Variants in FARS2 observed in about 807,000 individuals in gnomAD.
FARS2 encodes phenylalanyl-tRNA synthetase 2, mitochondrial.
In FARS2, 40 loss-of-function variants were observed where a neutral mutation model predicts 46.4. The ratio of observed to expected loss-of-function variants is 0.86; its 90% CI spans 0.67 to 1.12. The LOEUF (loss-of-function observed/expected upper bound fraction) is 1.12, where lower values mean the gene tolerates loss of function less well. FARS2 is among the 50% of genes most tolerant of loss of function. The pLI, the probability that FARS2 is intolerant of heterozygous loss-of-function variation, is 0.00. For missense variants in FARS2, 513 were observed against 567.9 expected (o/e 0.90, Z 0.98); for synonymous variants, 234 against 214.9 (o/e 1.09, Z -0.78).
chr6:5,593,790 GC>G (rs1311475302), intron 5 of FARS2, among the ~76,000 whole-genome samples: 1 of 152,240 alleles, frequency 6.6e-6, no homozygotes, highest in Non-Finnish European at 1.5e-5. Flanking sequence ...CAGTGGAGAA[GC>G]CATGGGGACA....
At chr6:5,718,650 C>T (rs113742802) in intron 6 of FARS2, among the ~76,000 whole-genome samples, 1 of 152,082 alleles carries the variant, frequency 6.6e-6, no homozygotes, top group Non-Finnish European at 1.5e-5. Flanking sequence ...CCTAATTGAG[C>T]CAGAAAATAT....
Position 5,545,347 on chromosome 6 carries a change from T to A in FARS2, c.1065+7T>A. 2 of 1,612,566 alleles carry A rather than the reference T, an allele frequency of 1.2e-6. No homozygotes were observed. Among genetic ancestry groups the A allele is most frequent in the Non-Finnish European group, 1.7e-6 (2 of 1,178,826 alleles). ...TCAGAAGGTGAAGTTTCAGGTAAGA[T>A]GACTTGCAAGAACTGAATAGATAAT... On this transcript the variant is annotated splice_region_variant and intron_variant, in intron 5 of 6. Coordinates refer to ENST00000274680, the MANE Select transcript of FARS2 (RefSeq NM_006567.5).
At chr6:5,607,376 A>G (rs1281753966) in intron 5 of FARS2, among the ~76,000 whole-genome samples, 1 of 151,656 alleles carries the variant, frequency 6.6e-6, no homozygotes, top group Non-Finnish European at 1.5e-5. Context: ...CACCAGGGGG[A>G]AAATATTAGA....
At chr6:5,668,932 G>A (rs901622980) in intron 6 of FARS2, among the ~76,000 whole-genome samples, 3 of 151,950 alleles carry the variant, frequency 2.0e-5, no homozygotes, top group African/African-American at 4.8e-5. Flanking sequence ...CTGACCTCAG[G>A]CGATGGACCC....
At chr6:5,344,170 C>T (rs1478064855) in intron 1 of FARS2, among the ~76,000 whole-genome samples, 1 of 152,132 alleles carries the variant, frequency 6.6e-6, no homozygotes, top group African/African-American at 2.4e-5. Context: ...AGCTGTGATT[C>T]AGGAAAGCCA....
chr6:5,740,070 A>C (rs780566739), intron 6 of FARS2, among the ~76,000 whole-genome samples: 5 of 152,194 alleles, frequency 3.3e-5, no homozygotes, highest in Non-Finnish European at 5.9e-5. Flanking sequence ...CATGCTTCCG[A>C]CCACTGCATG....
At chr6:5,617,214 C>T (rs1040059867) in intron 6 of FARS2, among the ~76,000 whole-genome samples, 2 of 152,144 alleles carry the variant, frequency 1.3e-5, no homozygotes, top group African/African-American at 4.8e-5. Context: ...CCCATACTGA[C>T]CTGCTAAAAG....
intron 6 of FARS2, among the ~76,000 whole-genome samples, chr6:5,713,540 T>G (rs1318032895): frequency 6.6e-6 from 1 of 152,226 alleles, no homozygotes; most frequent in African/African-American, 2.4e-5. Context: ...ACACCACCTT[T>G]ATTTTTCACT....
the FARS2 span, among the ~76,000 whole-genome samples, chr6:5,252,287 G>A: frequency 6.6e-6 from 1 of 152,152 alleles, no homozygotes; most frequent in South Asian, 2.1e-4. Flanking sequence ...CACGGGGAGC[G>A]AGGCGGCCTT....
intron 1 of FARS2, among the ~76,000 whole-genome samples, chr6:5,356,800 TTATAGAC>T (rs1757960773): frequency 6.6e-6 from 1 of 152,214 alleles, no homozygotes; most frequent in African/African-American, 2.4e-5. Flanking sequence ...CATAGCAACT[TTATAGAC>T]TATACTGCAG....
chr6:5,408,337 T>C (rs1562018852), intron 3 of FARS2, among the ~76,000 whole-genome samples: 1 of 150,848 alleles, frequency 6.6e-6, no homozygotes. Context: ...ATAAGCAAGG[T>C]GGGGGGGCAG....
chr6:5,409,815 G>A (rs888598640), intron 3 of FARS2, among the ~76,000 whole-genome samples: 1 of 152,198 alleles, frequency 6.6e-6, no homozygotes, highest in South Asian at 2.1e-4. Context: ...GCTGAAAGGT[G>A]CCTCATTCAC....
intron 2 of FARS2, among the ~76,000 whole-genome samples, chr6:5,389,904 A>G (rs1434968872): frequency 1.3e-5 from 2 of 151,894 alleles, no homozygotes; most frequent in Non-Finnish European, 2.9e-5. Flanking sequence ...TCTCTCTGTC[A>G]CCCAAGCTGG....
At chr6:5,663,127 A>G (rs1777926160) in intron 6 of FARS2, among the ~76,000 whole-genome samples, 2 of 152,192 alleles carry the variant, frequency 1.3e-5, no homozygotes, top group South Asian at 2.1e-4. Flanking sequence ...AATGTCTAAA[A>G]TAATATGGTT....
At chr6:5,635,608 G>A (rs1247808807) in intron 6 of FARS2, among the ~76,000 whole-genome samples, 1 of 152,146 alleles carries the variant, frequency 6.6e-6, no homozygotes, top group Non-Finnish European at 1.5e-5. Context: ...GGGGAAGTGA[G>A]GTAGAGGAAA....
chr6:5,341,847 G>A (rs2127593608), intron 1 of FARS2, among the ~76,000 whole-genome samples: 1 of 152,014 alleles, frequency 6.6e-6, no homozygotes, highest in East Asian at 1.9e-4. Flanking sequence ...ATATTCTGCT[G>A]CAAGCTGCTT....
intron 1 of FARS2, among the ~76,000 whole-genome samples, chr6:5,300,363 C>T (rs1285182642): frequency 6.6e-6 from 1 of 152,180 alleles, no homozygotes; most frequent in East Asian, 1.9e-4. Context: ...TTCAGAGTGA[C>T]ATAGTGGAAA....
At chr6:5,691,777 C>T (rs546935509) in intron 6 of FARS2, among the ~76,000 whole-genome samples, 1 of 152,174 alleles carries the variant, frequency 6.6e-6, no homozygotes, top group South Asian at 2.1e-4. Flanking sequence ...GCTATGCATG[C>T]CCCCAGAGGT....
At chr6:5,490,040 G>A (rs764954944) in intron 4 of FARS2, among the ~76,000 whole-genome samples, 1 of 152,102 alleles carries the variant, frequency 6.6e-6, no homozygotes, top group Non-Finnish European at 1.5e-5. Flanking sequence ...CCTCCTTGTG[G>A]CCCTTTCGGT....
Sources: gnomAD v4.1 joint callset for allele counts (sites outside exome capture counted in the v4.1 genomes callset) on GRCh38, gnomAD v4.1.1 for gene constraint, MANE v1.5 for transcripts, NCBI Gene and HGNC (gene_info 2026-07-23, HGNC 2026-07-21) for gene names.